ANO2: variants seen among roughly 807,000 people sequenced by gnomAD.
ANO2 encodes the protein anoctamin 2.
ANO2 carries 101 observed loss-of-function variants against 124.2 expected under a neutral mutation model. That is an observed-to-expected ratio of 0.81 (90% CI 0.69 to 0.96). The LOEUF (loss-of-function observed/expected upper bound fraction) is 0.96. ANO2 is among the 40% of genes least tolerant of loss of function. The pLI is 0.00. For missense variants in ANO2, 1,293 were observed against 1,274.5 expected (o/e 1.01, Z -0.22); for synonymous variants, 486 against 482.5 (o/e 1.01, Z -0.09).
Position 5,814,000 on chromosome 12 carries a change from T to A in ANO2, c.893-6632A>T, listed in dbSNP as rs190630543. Among the ~76,000 whole-genome samples the A allele has an allele frequency of 3.0e-3, 452 of 152,302 alleles. 13 individuals carry two copies. The highest frequency in any genetic ancestry group is 0.027 in the Admixed American group (408 of 15,300). On this transcript the variant is annotated intron_variant, in intron 7 of 24. Coordinates refer to ENST00000682330, the MANE Select transcript of ANO2 (RefSeq NM_001364791.2). ...TTGCCAGCTGTGTGCCTATCTTCCA[T>A]CTTCCCCTTCCAGATATACTCTCTA... is the stretch of plus-strand genomic sequence containing the variant.
At chr12:5,875,049 A>G (rs1937998160) in intron 3 of ANO2, among the ~76,000 whole-genome samples, 1 of 152,212 alleles carries the variant, frequency 6.6e-6, no homozygotes, top group African/African-American at 2.4e-5. Flanking sequence ...GGCTTTACTG[A>G]TAGACATATC....
Position 5,739,416 on chromosome 12 carries a change from A to T in ANO2, c.1352-17T>A, listed in dbSNP as rs1951004803. ...ACATGGTAGCTTAAAAAGAACAACAAGAACAAAAACCTTGATTATTTTTGA... is the reference window on the plus strand; with the variant it reads ...ACATGGTAGCTTAAAAAGAACAACATGAACAAAAACCTTGATTATTTTTGA... On this transcript the variant is annotated splice_polypyrimidine_tract_variant and intron_variant, in intron 12 of 24. Transcript: ENST00000682330. 1 of 1,579,312 alleles carries T rather than the reference A, an allele frequency of 6.3e-7. No individual in the cohort carries two copies. Among genetic ancestry groups the T allele is most frequent in the South Asian group, 1.2e-5 (1 of 86,044 alleles).
At chr12:5,920,294 C>T (rs17786442) in intron 3 of ANO2, among the ~76,000 whole-genome samples, 23,054 of 152,104 alleles carry the variant, frequency 0.15, 1,987 homozygotes, top group Middle Eastern at 0.21. Flanking sequence ...CCCAGACAAG[C>T]GCATTCCTTA....
rs3825283 is a variant in ANO2 at position 5,658,924 on chromosome 12, T to C, written c.1546-11123A>G. Among the ~76,000 whole-genome samples the C allele has an allele frequency of 0.17, 26,157 of 152,102 alleles. 2,592 individuals are homozygous for C. The highest frequency in any genetic ancestry group is 0.32 in the South Asian group (1,523 of 4,822). On this transcript the variant is annotated intron_variant, in intron 14 of 24. Coordinates refer to ENST00000682330, the MANE Select transcript of ANO2 (RefSeq NM_001364791.2). This position sits in a 1 kb window ranked among gnomAD's most constrained non-coding sequence, Gnocchi z 4.3. Reference sequence around the variant, plus strand: ...ATCATCAGCAACAGCAGCATCATCATCATCATTGCTTTATCCACCAGGGAC... The same window carrying C: ...ATCATCAGCAACAGCAGCATCATCACCATCATTGCTTTATCCACCAGGGAC...
intron 14 of ANO2, among the ~76,000 whole-genome samples, chr12:5,679,603 C>T (rs78002389): frequency 0.063 from 9,547 of 152,106 alleles, 312 homozygotes; most frequent in South Asian, 0.11. Flanking sequence ...ATCACATGCC[C>T]GTCAGAATGG....
At chr12:5,796,125 TCA>T (rs968819253) in intron 10 of ANO2, among the ~76,000 whole-genome samples, 12 of 151,766 alleles carry the variant, frequency 7.9e-5, no homozygotes, top group Non-Finnish European at 1.5e-5. Context: ...CAGAGAGCTC[TCA>T]CACACACACT....
intron 16 of ANO2, among the ~76,000 whole-genome samples, chr12:5,619,098 A>G (rs1565482988): frequency 1.3e-5 from 2 of 152,176 alleles, no homozygotes; most frequent in Admixed American, 1.3e-4. Context: ...GGCCCTTTAG[A>G]GGAAGATCAA....
chr12:5,580,160 A>C (rs374411766), intron 20 of ANO2, among the ~76,000 whole-genome samples: 1 of 152,218 alleles, frequency 6.6e-6, no homozygotes, highest in Non-Finnish European at 1.5e-5. Flanking sequence ...TCTGTGCTTC[A>C]GGTACTTCAA....
Position 5,615,219 on chromosome 12 carries a change from G to A in ANO2, c.1895C>T (p.Ser632Phe), listed in dbSNP as rs1203754465. The A allele has an allele frequency of 6.2e-7, 1 of 1,613,728 alleles. No homozygotes were observed. Among genetic ancestry groups the A allele is most frequent in the Non-Finnish European group, 8.5e-7 (1 of 1,179,774 alleles). Residue 632 changes from serine to phenylalanine, a missense_variant, in exon 17 of 25, where the codon TCC becomes TTC. Physicochemically the swap from Ser to Phe is radical, Grantham distance 155. Coordinates refer to ENST00000682330, the MANE Select transcript of ANO2 (RefSeq NM_001364791.2). ...GAAAAAGGCCACATAGAAGATGGGG[G>A]AGTAGGCATTGACAAACTTGAGCAA... ...AFLLKFVNAY[S>F]PIFYVAFFKG...
intron 3 of ANO2, among the ~76,000 whole-genome samples, chr12:5,914,485 T>C (rs1022050979): frequency 2.0e-5 from 3 of 151,526 alleles, no homozygotes; most frequent in African/African-American, 7.3e-5. Context: ...CGAGACAGAG[T>C]AGGGCTCCAC....
At chr12:5,844,953 AT>A (rs5796194) in intron 4 of ANO2, among the ~76,000 whole-genome samples, 124,897 of 138,324 alleles carry the variant, frequency 0.9, 56,779 homozygotes, top group East Asian at 0.99. Context: ...CAACCATGAA[AT>A]TTTTTTTTTT....
At chr12:5,689,089 A>G (rs1269439032) in intron 14 of ANO2, among the ~76,000 whole-genome samples, 1 of 152,172 alleles carries the variant, frequency 6.6e-6, no homozygotes, top group Admixed American at 6.5e-5. Context: ...CAGTTTCAGG[A>G]GATTTGAGGA....
At chr12:5,691,686 T>C (rs1459850879) in intron 14 of ANO2, among the ~76,000 whole-genome samples, 2 of 151,990 alleles carry the variant, frequency 1.3e-5, no homozygotes, top group Non-Finnish European at 2.9e-5. Flanking sequence ...GGCAGATCCC[T>C]TGAGCCCAGG....
Position 5,647,786 on chromosome 12 carries a change from GT to G in ANO2, c.1560del (p.Lys520AsnfsTer2). ...TECGDEDDEDKLTWKDRFPGY... is the reference protein window; with the variant it reads ...TECGDEDDEDXLTWKDRFPGY... ...CCTGGGAAACGATCCTTCCAGGTCA[GT>G]TTATCTTCATCATCCTGGGGAGAAA... On this transcript the variant is annotated frameshift_variant, in exon 15 of 25. Transcript: ENST00000682330. LOFTEE classifies it high-confidence loss of function. 6.2e-7 allele frequency: 1 copy of G among 1,609,724 alleles called. No homozygotes were observed. Among genetic ancestry groups the G allele is most frequent in the Non-Finnish European group, 8.5e-7 (1 of 1,178,216 alleles).
In ANO2 at chr12:5,732,571, G is replaced by A. The variant is rs747511223; in HGVS notation, c.1494C>T (p.Asn498=). 3 of 1,613,776 alleles carry A rather than the reference G, an allele frequency of 1.9e-6. No homozygotes were observed. The Admixed American group carries it at 5.0e-5, about 27-fold the overall frequency. ...TTTCCAATTTCTGGACAGCAGACTG[G>A]TTGCTCTCCTTTAGCATTTTCTCTC... ...KVREKMLKES[N]QSAVQKLETN... is the part of the protein sequence containing the mutation. The change falls in exon 14 of 25, where the codon AAC becomes AAT. Residue 498 remains asparagine (N), a synonymous_variant. Transcript: ENST00000682330.
chr12:5,778,334 G>A (rs1438828853), intron 10 of ANO2, among the ~76,000 whole-genome samples: 8 of 152,166 alleles, frequency 5.3e-5, no homozygotes, highest in African/African-American at 1.4e-4. Flanking sequence ...AAACTCAAGT[G>A]TATCTAATTC....
intron 4 of ANO2, among the ~76,000 whole-genome samples, chr12:5,836,602 C>T (rs899794365): frequency 6.6e-6 from 1 of 152,186 alleles, no homozygotes; most frequent in South Asian, 2.1e-4. Context: ...AAACTCTTAA[C>T]ACATCCCATG....
At position 5,658,740 on chromosome 12, in the gene ANO2, T is replaced by C. The variant is rs540137469; in HGVS notation, c.1546-10939A>G. The stretch of plus-strand genomic sequence containing the variant: ...GTCATCAATATCATCATCATCATCA[T>C]CAACATCATTATCATCATTAAATCA... On this transcript the variant is annotated intron_variant, in intron 14 of 24. Transcript: ENST00000682330. This position sits in a 1 kb window ranked among gnomAD's most constrained non-coding sequence, Gnocchi z 4.3. Among the ~76,000 whole-genome samples the C allele has an allele frequency of 6.6e-6, 1 of 151,436 alleles. No individual in the cohort carries two copies. The highest frequency in any genetic ancestry group is 2.4e-5 in the African/African-American group (1 of 40,948).
chr12:5,718,695 C>G (rs1950109524), intron 14 of ANO2, among the ~76,000 whole-genome samples: 1 of 152,244 alleles, frequency 6.6e-6, no homozygotes, highest in Admixed American at 6.5e-5. Context: ...CCCTTGCCAA[C>G]TGGCTTCCGG....
Sources: gnomAD v4.1 joint callset for allele counts (sites outside exome capture counted in the v4.1 genomes callset) on GRCh38, gnomAD v4.1.1 for gene constraint, Gnocchi (gnomAD v3.1) non-coding constraint, MANE v1.5 for transcripts, NCBI Gene and HGNC (gene_info 2026-07-23, HGNC 2026-07-21) for gene names.